Variants in TMEM8B observed in about 807,000 individuals in gnomAD.
TMEM8B encodes transmembrane protein 8B.
TMEM8B carries 29 observed loss-of-function variants against 49.3 expected under a neutral mutation model. That is an observed-to-expected ratio of 0.59 (90% CI 0.44 to 0.80). The LOEUF (loss-of-function observed/expected upper bound fraction) is 0.80, where lower values mean the gene tolerates loss of function less well. Ranked by LOEUF, TMEM8B falls within the 30% of genes least tolerant of loss-of-function variation. The probability of loss-of-function intolerance (pLI) is 0.00; values close to 1 mark genes in which losing one functional copy is unlikely to be tolerated. For synonymous variants in TMEM8B, 264 were observed against 272.8 expected (o/e 0.97, Z 0.32); for missense variants, 575 against 658.5 (o/e 0.87, Z 1.39).
rs1338821970 is a variant in TMEM8B, at chr9:35,842,513, G to T, written c.1431G>T (p.Gly477=). Residue 477 remains glycine (G), a synonymous_variant, in exon 6 of 13, where the codon GGG becomes GGT. Transcript: ENST00000643932. The surrounding 1 kb of genome is among the most constrained non-coding windows in gnomAD (Gnocchi z 5.6). The stretch of plus-strand genomic sequence containing the variant: ...CATCCCTTGGAACCCCTGCGGAGGG[G>T]CCTGGGACCACGTCCCCACCCGAGC... ...EPPSLGTPAE[G]PGTTSPPEHC... 7 of 1,613,186 alleles carry T rather than the reference G, an allele frequency of 4.3e-6. No homozygotes were observed. Among genetic ancestry groups the T allele is most frequent in the Non-Finnish European group, 5.9e-6 (7 of 1,179,596 alleles).
At chr9:35,850,150 C>T (rs1358303966) in intron 10 of TMEM8B, among the ~76,000 whole-genome samples, 1 of 152,144 alleles carries the variant, frequency 6.6e-6, no homozygotes, top group Non-Finnish European at 1.5e-5. Flanking sequence ...CCAATCTGGG[C>T]ATGGATTAAC....
In TMEM8B at chr9:35,842,919, A is replaced by G. The variant is rs574590907; in HGVS notation, c.1635+202A>G. ...CACTCTGCTACAGATGGGCGGGTCA[A>G]CCAGGTCAACTCAGTGTCTGGGGTT... is the stretch of plus-strand genomic sequence containing the variant. On this transcript the variant is annotated intron_variant, in intron 6 of 12. Coordinates refer to ENST00000643932, the MANE Select transcript of TMEM8B (RefSeq NM_001042590.4). This position sits in a 1 kb window ranked among gnomAD's most constrained non-coding sequence, Gnocchi z 5.6. 3.9e-5 allele frequency among the ~76,000 whole-genome samples: 6 copies of G among 152,252 alleles called. No homozygotes were observed. The South Asian group carries it at 1.2e-3, about 32-fold the overall frequency.
Position 35,835,233 on chromosome 9 carries a change from C to T in TMEM8B, c.906+15C>T, listed in dbSNP as rs77523427. 8.6e-4 allele frequency: 357 copies of T among 415,584 alleles called. 1 individual carries two copies. The highest frequency in any genetic ancestry group is 6.6e-3 in the African/African-American group (320 of 48,838). 25.7% of individuals were successfully genotyped at this position (415,584 alleles called of 1,614,324 possible). ...TCTCTGTCAAGGTGGGTTGATGTTG[C>T]CCAGGCTCGGGGGTCCAGAACTGCC... On this transcript the variant is annotated intron_variant, in intron 3 of 12. Transcript: ENST00000643932.
chr9:35,840,563 G>A (rs1310641396), intron 3 of TMEM8B, among the ~76,000 whole-genome samples: 1 of 152,094 alleles, frequency 6.6e-6, no homozygotes, highest in Non-Finnish European at 1.5e-5. Context: ...TACCTGTGTA[G>A]GGCCGCTCAT....
At position 35,829,482 on chromosome 9, in the gene TMEM8B, C is replaced by T. The variant is rs1829623163; in HGVS notation, c.35C>T (p.Ser12Phe). 4 of 362,986 alleles carry T rather than the reference C, an allele frequency of 1.1e-5. No individual in the cohort carries two copies. The highest frequency in any genetic ancestry group is 2.0e-5 in the Non-Finnish European group (4 of 204,494). The allele number at this position is 362,986 out of a possible 1,614,324, so 22.5% of individuals were successfully genotyped here. ...AQPLSRPLVL[S>F]QSPPWPPAPP... ...CCCTTGTCCCGGCCCCTCGTCCTAT[C>T]CCAATCCCCGCCTTGGCCCCCAGCC... is the stretch of plus-strand genomic sequence containing the variant. The change falls in exon 1 of 13, where the codon TCC (serine) becomes TTC (phenylalanine). Residue 12 changes from serine (S) to phenylalanine (F), a missense_variant. Transcript: ENST00000643932.
chr9:35,840,820 C>T (rs1324614439), intron 3 of TMEM8B, among the ~76,000 whole-genome samples: 4 of 152,130 alleles, frequency 2.6e-5, no homozygotes, highest in African/African-American at 9.7e-5. Context: ...GCCCAGAATG[C>T]TCAGGGGGAG....
chr9:35,830,655 GT>G (rs5897618), intron 1 of TMEM8B, among the ~76,000 whole-genome samples: 1 of 151,150 alleles, frequency 6.6e-6, no homozygotes, highest in African/African-American at 2.4e-5. Context: ...ATACTAGTGT[GT>G]TTTTTTTTAT....
At chr9:35,845,150 C>T (rs1831395085) in intron 6 of TMEM8B, among the ~76,000 whole-genome samples, 1 of 152,188 alleles carries the variant, frequency 6.6e-6, no homozygotes, top group African/African-American at 2.4e-5. Flanking sequence ...CTCAGAACTT[C>T]CCCTTTGGAT....
Position 35,841,047 on chromosome 9 carries a change from C to T in TMEM8B, c.907-87C>T, listed in dbSNP as rs980861144. The T allele has an allele frequency of 1.7e-5, 7 of 412,520 alleles. No homozygotes were observed. The highest frequency in any genetic ancestry group is 8.8e-5 in the Admixed American group (2 of 22,740). 25.6% of individuals were successfully genotyped at this position (412,520 alleles called of 1,614,324 possible). On this transcript the variant is annotated intron_variant, in intron 3 of 12. Transcript: ENST00000643932. This position sits in a 1 kb window ranked among gnomAD's most constrained non-coding sequence, Gnocchi z 5.9. ...TGGTGGCCGGGGCGGGGGTTTCTCC[C>T]CAGCCCGCCCAGCAGGTTCTGTTTG...
chr9:35,865,443 C>G lies in TMEM8B; in HGVS notation c.*11603C>G, dbSNP rs1330884582. ...GTCCTTTCACAATAAAGAATAACAA[C>G]TTGACACAGCTTAGAGACTAAAAAT... On this transcript the variant is annotated 3_prime_UTR_variant, in exon 13 of 13. Coordinates refer to ENST00000643932, the MANE Select transcript of TMEM8B (RefSeq NM_001042590.4). The G allele has an allele frequency of 6.6e-6, 1 of 152,164 alleles. No homozygotes were observed. The highest frequency in any genetic ancestry group is 1.5e-5 in the Non-Finnish European group (1 of 68,026). The allele number at this position is 152,164 out of a possible 1,614,324, so 9.4% of individuals were successfully genotyped here. A position where few individuals can be genotyped will look rare whatever the true frequency, so the allele number is the denominator to read the frequency against.
Position 35,860,847 on chromosome 9 carries a change from G to C in TMEM8B, c.*7007G>C, listed in dbSNP as rs1224150923. 6.6e-6 allele frequency: 1 copy of C among 152,292 alleles called. No homozygotes were observed. The highest frequency in any genetic ancestry group is 2.4e-5 in the African/African-American group (1 of 41,442). The allele number at this position is 152,292 out of a possible 1,614,324, so 9.4% of individuals were successfully genotyped here. ...CAGGCACGAATCTGGTGGAGGTGCG[G>C]TCAGTTGTGACCAGCTTTGCAAAGG... On this transcript the variant is annotated 3_prime_UTR_variant, in exon 13 of 13. Coordinates refer to ENST00000643932, the MANE Select transcript of TMEM8B (RefSeq NM_001042590.4).
intron 1 of TMEM8B, chr9:35,833,291 G>GTTATTCCAGTCCTTAT (rs1830096589): frequency 1.0e-6 from 1 of 985,050 alleles, no homozygotes; most frequent in Non-Finnish European, 1.2e-6. Context: ...CCAGCCCCGG[G>GTTATTCCAGTCCTTAT]TCTGTCCTGA....
At chr9:35,834,031 T>TATACACAC (rs1554679975) in intron 1 of TMEM8B, among the ~76,000 whole-genome samples, 50 of 138,408 alleles carry the variant, frequency 3.6e-4, no homozygotes, top group African/African-American at 1.3e-3. Flanking sequence ...CATGCCAAAA[T>TATACACAC]ACACACACAC....
rs778302153 is a variant in TMEM8B, at chr9:35,853,382, G to A, written c.2440-123G>A. 198 of 1,455,152 alleles carry A rather than the reference G, an allele frequency of 1.4e-4. No homozygotes were observed. Among genetic ancestry groups the A allele is most frequent in the Non-Finnish European group, 1.8e-4 (191 of 1,066,316 alleles). The allele number at this position is 1,455,152 out of a possible 1,614,324, so 90.1% of individuals were successfully genotyped here. The stretch of plus-strand genomic sequence containing the variant: ...TCATCACCTGCTGCTGGCAGTGTCC[G>A]CTCCAGTCTTGGCAGGTGTCTTTAG... On this transcript the variant is annotated intron_variant, in intron 12 of 12. Transcript: ENST00000643932. The surrounding 1 kb of genome is among the most constrained non-coding windows in gnomAD (Gnocchi z 4.2).
At position 35,853,295 on chromosome 9, in the gene TMEM8B, A is replaced by G; in HGVS notation, c.2439+38A>G. ...AGGGATGTGGGGGGAGGGTCCCAGC[A>G]GGACTTGGGTGCTGGGCCCCAGGTA... On this transcript the variant is annotated intron_variant, in intron 12 of 12. Coordinates refer to ENST00000643932, the MANE Select transcript of TMEM8B (RefSeq NM_001042590.4). This position sits in a 1 kb window ranked among gnomAD's most constrained non-coding sequence, Gnocchi z 4.2. 1 of 1,570,494 alleles carries G rather than the reference A, an allele frequency of 6.4e-7. No individual in the cohort carries two copies. The highest frequency in any genetic ancestry group is 8.8e-7 in the Non-Finnish European group (1 of 1,141,764).
chr9:35,832,179 G>GTC, intron 1 of TMEM8B, among the ~76,000 whole-genome samples: 1 of 151,204 alleles, frequency 6.6e-6, no homozygotes, highest in Non-Finnish European at 1.5e-5. Flanking sequence ...GTGTGTGTGT[G>GTC]TGTGTGTGTG....
chr9:35,843,323 T>C (rs1426754317), intron 6 of TMEM8B, among the ~76,000 whole-genome samples: 2 of 152,344 alleles, frequency 1.3e-5, no homozygotes, highest in East Asian at 3.9e-4. Flanking sequence ...ATATCTTACA[T>C]TAGTATGATA....
At chr9:35,840,407 T>C (rs1368743486) in intron 3 of TMEM8B, among the ~76,000 whole-genome samples, 1 of 152,182 alleles carries the variant, frequency 6.6e-6, no homozygotes, top group African/African-American at 2.4e-5. Flanking sequence ...GATTGATTAA[T>C]TCAGCAAACA....
In TMEM8B at chr9:35,854,793, C is replaced by T. The variant is rs537473324; in HGVS notation, c.*953C>T. On this transcript the variant is annotated 3_prime_UTR_variant, in exon 13 of 13. Coordinates refer to ENST00000643932, the MANE Select transcript of TMEM8B (RefSeq NM_001042590.4). Reference sequence around the variant, plus strand: ...CCAGGAAATTGGAATAGCAGGTACACGTCTCAGGTGTGCAAGAAATATCAC... The same window carrying T: ...CCAGGAAATTGGAATAGCAGGTACATGTCTCAGGTGTGCAAGAAATATCAC... The T allele has an allele frequency of 9.9e-5, 15 of 152,174 alleles. No individual in the cohort carries two copies. Among genetic ancestry groups the T allele is most frequent in the African/African-American group, 2.9e-4 (12 of 41,430 alleles). 9.4% of individuals were successfully genotyped at this position (152,174 alleles called of 1,614,324 possible). A position where few individuals can be genotyped will look rare whatever the true frequency, so the allele number is the denominator to read the frequency against.
Sources: allele counts gnomAD v4.1 joint callset (sites outside exome capture counted in the v4.1 genomes callset), GRCh38; gene constraint gnomAD v4.1.1; non-coding constraint Gnocchi (gnomAD v3.1); transcripts MANE v1.5; gene names NCBI Gene and HGNC (gene_info 2026-07-23, HGNC 2026-07-21).